Variants in TTC28 observed in about 807,000 individuals in gnomAD.
TTC28 encodes tetratricopeptide repeat protein 28.
Under a neutral mutation model 198.0 loss-of-function variants are expected in TTC28, and 61 were observed. The observed-to-expected ratio is 0.31, with a 90% CI of 0.25 to 0.38. The LOEUF (loss-of-function observed/expected upper bound fraction) is 0.38. Among genes scored for constraint, TTC28 ranks in the 10% least tolerant of loss-of-function variants. TTC28 has a pLI of 1.00. For missense variants in TTC28, 2,678 were observed against 3,164.0 expected (o/e 0.85, Z 3.69); for synonymous variants, 1,171 against 1,297.8 (o/e 0.90, Z 2.10).
chr22:28,016,898 G>A (rs910070444), intron 13 of TTC28, among the ~76,000 whole-genome samples: 8 of 152,214 alleles, frequency 5.3e-5, no homozygotes, highest in Admixed American at 4.6e-4. Context: ...AGGTTGGGCA[G>A]TCCCTGGAGG....
chr22:28,008,473 G>A (rs1367142349), intron 14 of TTC28: 1 of 152,240 alleles, frequency 6.6e-6, no homozygotes. Flanking sequence ...TGAATGAGAT[G>A]TACTTTTCTT....
intron 2 of TTC28, among the ~76,000 whole-genome samples, chr22:28,507,966 T>C (rs535649783): frequency 2.6e-5 from 4 of 152,262 alleles, no homozygotes; most frequent in South Asian, 2.1e-4. Context: ...CTGAAGTACA[T>C]AGACCAGTGA....
chr22:28,310,171 CACAA>C (rs72207474), intron 2 of TTC28, among the ~76,000 whole-genome samples: 18,345 of 118,382 alleles, frequency 0.15, 1,461 homozygotes, highest in East Asian at 0.28. Flanking sequence ...CACACACACA[CACAA>C]AAAACAAGAC....
intron 2 of TTC28, among the ~76,000 whole-genome samples, chr22:28,585,438 T>C (rs2050299979): frequency 6.6e-6 from 1 of 152,150 alleles, no homozygotes; most frequent in Admixed American, 6.5e-5. Context: ...AAGGCTCCTA[T>C]GCGAATCTAA....
At chr22:28,360,426 T>C (rs2046140465) in intron 2 of TTC28, among the ~76,000 whole-genome samples, 2 of 152,200 alleles carry the variant, frequency 1.3e-5, no homozygotes, top group African/African-American at 4.8e-5. Flanking sequence ...TAGAATATTA[T>C]TTTTACACAA....
intron 13 of TTC28, among the ~76,000 whole-genome samples, chr22:28,023,088 T>A (rs1313350760): frequency 1.3e-5 from 2 of 152,202 alleles, no homozygotes; most frequent in Non-Finnish European, 2.9e-5. Flanking sequence ...CAGGAATGAA[T>A]CTGGAGCCGC....
intron 5 of TTC28, among the ~76,000 whole-genome samples, chr22:28,231,328 G>C (rs182531677): frequency 1.3e-5 from 2 of 152,344 alleles, no homozygotes; most frequent in South Asian, 4.1e-4. Context: ...GAAACACAAA[G>C]AGAAAATCAG....
intron 6 of TTC28, among the ~76,000 whole-genome samples, chr22:28,140,070 G>A (rs1028079911): frequency 2.0e-5 from 3 of 152,212 alleles, no homozygotes; most frequent in Admixed American, 2.0e-4. Context: ...GGCTGCCTGG[G>A]TGATCTTGGA....
At chr22:28,531,703 A>G (rs2039876521) in intron 2 of TTC28, among the ~76,000 whole-genome samples, 1 of 152,206 alleles carries the variant, frequency 6.6e-6, no homozygotes. Flanking sequence ...AATTATAACA[A>G]ATTGTCTCTC....
chr22:28,296,222 G>T lies in TTC28; in HGVS notation c.909C>A (p.Leu303=). Reference sequence around the variant, plus strand: ...CCTCTCGATCTTTGAGTTTCATGGCGAGTACCAACTGATGCCTGTGGTTAG... The same window carrying T: ...CCTCTCGATCTTTGAGTTTCATGGCTAGTACCAACTGATGCCTGTGGTTAG... The part of the protein sequence containing the change: ...ALTNHRHQLV[L]AMKLKDREAA... The change falls in exon 5 of 23, where the codon CTC becomes CTA. Residue 303 remains leucine, a synonymous_variant. Coordinates refer to ENST00000397906, the MANE Select transcript of TTC28 (RefSeq NM_001145418.2). 6.5e-7 allele frequency: 1 copy of T among 1,549,242 alleles called. No individual in the cohort carries two copies. Among genetic ancestry groups the T allele is most frequent in the Non-Finnish European group, 8.7e-7 (1 of 1,145,670 alleles).
chr22:28,495,202 T>A (rs1398195314), intron 2 of TTC28, among the ~76,000 whole-genome samples: 4 of 152,134 alleles, frequency 2.6e-5, no homozygotes, highest in Non-Finnish European at 5.9e-5. Flanking sequence ...TTAAACAACA[T>A]GAGTTTTTAG....
chr22:28,480,370 T>C (rs914873647), intron 2 of TTC28, among the ~76,000 whole-genome samples: 12 of 152,150 alleles, frequency 7.9e-5, no homozygotes, highest in Non-Finnish European at 1.8e-4. Flanking sequence ...TGTGACCTCA[T>C]CACCAACTTC....
intron 5 of TTC28, among the ~76,000 whole-genome samples, chr22:28,211,344 G>A (rs1175362813): frequency 4.6e-5 from 7 of 152,106 alleles, no homozygotes; most frequent in Non-Finnish European, 7.4e-5. Context: ...TGGCAAATTG[G>A]ATAAAGAGTC....
chr22:28,181,477 C>T (rs1314218853), intron 5 of TTC28, among the ~76,000 whole-genome samples: 1 of 152,156 alleles, frequency 6.6e-6, no homozygotes, highest in South Asian at 2.1e-4. Context: ...CAGAGGTATC[C>T]TGTTAGACAT....
At chr22:28,576,418 T>A (rs1329940429) in intron 2 of TTC28, among the ~76,000 whole-genome samples, 1 of 152,122 alleles carries the variant, frequency 6.6e-6, no homozygotes, top group Non-Finnish European at 1.5e-5. Context: ...TCAGTGTTCA[T>A]CAGGGGTGTG....
At chr22:28,111,861 T>C (rs1487730780) in intron 6 of TTC28, among the ~76,000 whole-genome samples, 4 of 152,166 alleles carry the variant, frequency 2.6e-5, no homozygotes, top group Admixed American at 6.5e-5. Context: ...GAAGCTTGGC[T>C]TTCCTATATG....
chr22:28,446,427 A>C (rs2047702022), intron 2 of TTC28, among the ~76,000 whole-genome samples: 1 of 152,144 alleles, frequency 6.6e-6, no homozygotes, highest in Non-Finnish European at 1.5e-5. Flanking sequence ...TCATGTTGAA[A>C]TATAATCCCC....
intron 2 of TTC28, among the ~76,000 whole-genome samples, chr22:28,591,326 T>A (rs2050432563): frequency 6.6e-6 from 1 of 151,532 alleles, no homozygotes; most frequent in African/African-American, 2.4e-5. Flanking sequence ...TTCCCCAGGC[T>A]GAAAAGTGTC....
intron 2 of TTC28, among the ~76,000 whole-genome samples, chr22:28,330,050 C>T (rs2045591420): frequency 6.6e-6 from 1 of 152,144 alleles, no homozygotes; most frequent in South Asian, 2.1e-4. Context: ...GTGATGCATT[C>T]CTATGAAATT....
Sources: gnomAD v4.1 joint callset for allele counts (sites outside exome capture counted in the v4.1 genomes callset) on GRCh38, gnomAD v4.1.1 for gene constraint, MANE v1.5 for transcripts, NCBI Gene and HGNC (gene_info 2026-07-23, HGNC 2026-07-21) for gene names.